Variants in PEBP4 observed in about 807,000 individuals in gnomAD.
The protein encoded by PEBP4 is phosphatidylethanolamine binding protein 4, also known as phosphatidylethanolamine-binding protein 4.
In PEBP4, 22 loss-of-function variants were observed where a neutral mutation model predicts 23.9. The ratio of observed to expected loss-of-function variants is 0.92; its 90% CI spans 0.66 to 1.31. PEBP4 has a LOEUF of 1.31. PEBP4 is among the 40% of genes most tolerant of loss of function. The pLI is 0.00. For missense variants in PEBP4, 324 were observed against 281.7 expected (o/e 1.15, Z -1.07); for synonymous variants, 112 against 99.3 (o/e 1.13, Z -0.76).
chr8:22,826,859 C>A (rs1050713975), intron 3 of PEBP4, among the ~76,000 whole-genome samples: 4 of 152,136 alleles, frequency 2.6e-5, no homozygotes, highest in Admixed American at 2.6e-4. Flanking sequence ...ATGTGAATAC[C>A]TATTACCTGC....
intron 4 of PEBP4, among the ~76,000 whole-genome samples, chr8:22,790,314 T>C (rs548687456): frequency 1.6e-4 from 24 of 152,250 alleles, no homozygotes; most frequent in African/African-American, 5.3e-4. Flanking sequence ...CAGAGACCCT[T>C]AGAACCAATT....
intron 3 of PEBP4, among the ~76,000 whole-genome samples, chr8:22,858,010 C>T (rs971374930): frequency 6.6e-6 from 1 of 152,206 alleles, no homozygotes; most frequent in Non-Finnish European, 1.5e-5. Flanking sequence ...CAACCATCTC[C>T]TCCACCACTT....
intron 3 of PEBP4, among the ~76,000 whole-genome samples, chr8:22,838,641 C>T (rs1002147476): frequency 1.3e-5 from 2 of 152,374 alleles, no homozygotes; most frequent in African/African-American, 4.8e-5. Flanking sequence ...AAAGCTAGGC[C>T]GGGGCCTCAG....
chr8:22,930,439 C>T (rs528065508), upstream of PEBP4, among the ~76,000 whole-genome samples: 3 of 152,052 alleles, frequency 2.0e-5, no homozygotes, highest in Non-Finnish European at 2.9e-5. Flanking sequence ...CTCATCCCCC[C>T]AGCCTATAAG....
intron 4 of PEBP4, among the ~76,000 whole-genome samples, chr8:22,815,337 C>T (rs529297467): frequency 1.3e-5 from 2 of 152,280 alleles, no homozygotes; most frequent in African/African-American, 2.4e-5. Context: ...GGAAGTTCTG[C>T]GGGTGGGGTA....
At chr8:22,877,685 A>AT (rs539213060) in intron 3 of PEBP4, among the ~76,000 whole-genome samples, 24 of 148,650 alleles carry the variant, frequency 1.6e-4, no homozygotes, top group South Asian at 1.1e-3. Context: ...CCCTCCTGTT[A>AT]TGAAACCCAC....
At chr8:22,864,170 A>T (rs1359297950) in intron 3 of PEBP4, among the ~76,000 whole-genome samples, 3 of 152,196 alleles carry the variant, frequency 2.0e-5, no homozygotes, top group Admixed American at 2.0e-4. Context: ...TGCCTTTTGC[A>T]TGATTAATTC....
chr8:22,749,580 A>ATTTCC (rs1412447212), intron 4 of PEBP4, among the ~76,000 whole-genome samples: 1 of 152,062 alleles, frequency 6.6e-6, no homozygotes, highest in Non-Finnish European at 1.5e-5. Flanking sequence ...TGAACAGAGC[A>ATTTCC]TTTCCTTTCC....
chr8:22,759,505 C>T (rs1169352445), intron 4 of PEBP4, among the ~76,000 whole-genome samples: 1 of 152,132 alleles, frequency 6.6e-6, no homozygotes. Flanking sequence ...CCTCTGCCAC[C>T]ATGAGGGGTA....
In PEBP4 at chr8:22,713,487, A is replaced by C; in HGVS notation, c.567T>G (p.Pro189=). 1 of 1,614,126 alleles carries C rather than the reference A, an allele frequency of 6.2e-7. No individual in the cohort carries two copies. Among genetic ancestry groups the C allele is most frequent in the Non-Finnish European group, 8.5e-7 (1 of 1,180,002 alleles). ...RFLNRFHLGE[P]EASTQFMTQN... ...GGGTCATGAACTGGGTGCTTGCTTCAGGTTCGCCCAGGTGGAAACGGTTCA... is the reference window on the plus strand; with the variant it reads ...GGGTCATGAACTGGGTGCTTGCTTCCGGTTCGCCCAGGTGGAAACGGTTCA... The change falls in exon 7 of 7, where the codon CCT becomes CCG. Residue 189 remains proline, a synonymous_variant. Coordinates refer to ENST00000256404, the MANE Select transcript of PEBP4 (RefSeq NM_144962.3).
At position 22,894,383 on chromosome 8, in the gene PEBP4, G is replaced by C. The variant is rs372066677; in HGVS notation, c.258+25801C>G. 5.3e-5 allele frequency among the ~76,000 whole-genome samples: 8 copies of C among 152,072 alleles called. No homozygotes were observed. In the South Asian group the frequency reaches 6.2e-4, roughly 12 times the overall value. On this transcript the variant is annotated intron_variant, in intron 3 of 6. Coordinates refer to ENST00000256404, the MANE Select transcript of PEBP4 (RefSeq NM_144962.3). Reference sequence around the variant, plus strand: ...GCCCAGGAGTTCGAGACCAGCCCAGGCAACATGGTAAGACCCTGTCTCTAC... The same window carrying C: ...GCCCAGGAGTTCGAGACCAGCCCAGCCAACATGGTAAGACCCTGTCTCTAC...
chr8:22,793,418 C>G (rs1341562791), intron 4 of PEBP4, among the ~76,000 whole-genome samples: 1 of 150,568 alleles, frequency 6.6e-6, no homozygotes, highest in Non-Finnish European at 1.5e-5. Context: ...AGGCATGCAC[C>G]ACCACGCCCA....
upstream of PEBP4, among the ~76,000 whole-genome samples, chr8:22,930,236 T>C (rs969166422): frequency 1.3e-5 from 2 of 152,166 alleles, no homozygotes; most frequent in Non-Finnish European, 2.9e-5. Flanking sequence ...AGGGCTGTGA[T>C]AGGCACTGAC....
intron 3 of PEBP4, among the ~76,000 whole-genome samples, chr8:22,903,449 A>C (rs1253794926): frequency 6.6e-6 from 1 of 152,228 alleles, no homozygotes; most frequent in Admixed American, 6.5e-5. Flanking sequence ...TTGAAAGACG[A>C]GGCATTTCTA....
chr8:22,734,696 C>T (rs1027407708), intron 4 of PEBP4, among the ~76,000 whole-genome samples: 1 of 152,072 alleles, frequency 6.6e-6, no homozygotes, highest in Non-Finnish European at 1.5e-5. Context: ...TGGGTGGGCA[C>T]TATTGAAAGG....
intron 4 of PEBP4, among the ~76,000 whole-genome samples, chr8:22,731,653 CTATT>C (rs540388014): frequency 7.7e-4 from 101 of 131,578 alleles, no homozygotes; most frequent in South Asian, 6.4e-3. Flanking sequence ...ATCTATCTAT[CTATT>C]TATTTATTTA....
chr8:22,903,141 A>G (rs115661871), intron 3 of PEBP4, among the ~76,000 whole-genome samples: 2,007 of 152,260 alleles, frequency 0.013, 51 homozygotes, highest in African/African-American at 0.046. Context: ...CACCCCGGAA[A>G]CCGCGAAATG....
At position 22,731,657 on chromosome 8, in the gene PEBP4, T is replaced by C. The variant is rs547409808; in HGVS notation, c.358-4437A>G. On this transcript the variant is annotated intron_variant, in intron 4 of 6. Transcript: ENST00000256404. ...TTTATTTATTTATCTATCTATCTAT[T>C]TATTTATTTATTTATTTTTGAGACG... Among the ~76,000 whole-genome samples the C allele has an allele frequency of 1.2e-4, 18 of 144,040 alleles. No individual in the cohort carries two copies. In the South Asian group the frequency reaches 1.3e-3, roughly 11 times the overall value. The allele number at this position is 144,040 out of a possible 152,430, so 94.5% of individuals were successfully genotyped here. A position where few individuals can be genotyped will look rare whatever the true frequency, so the allele number is the denominator to read the frequency against.
chr8:22,880,766 T>G (rs962687804), intron 3 of PEBP4, among the ~76,000 whole-genome samples: 2 of 152,050 alleles, frequency 1.3e-5, no homozygotes, highest in Admixed American at 6.5e-5. Context: ...CCAGTGAGGG[T>G]GGGGAGGGAC....
Sources: gnomAD v4.1 joint callset for allele counts (sites outside exome capture counted in the v4.1 genomes callset) on GRCh38, gnomAD v4.1.1 for gene constraint, MANE v1.5 for transcripts, NCBI Gene and HGNC (gene_info 2026-07-23, HGNC 2026-07-21) for gene names.